ARHGAP15: variants seen among roughly 807,000 people sequenced by gnomAD.
The protein encoded by ARHGAP15 is Rho GTPase activating protein 15, also known as rho GTPase-activating protein 15.
ARHGAP15 carries 51 observed loss-of-function variants against 63.7 expected under a neutral mutation model. The ratio of observed to expected loss-of-function variants is 0.80; its 90% CI spans 0.64 to 1.01. ARHGAP15 has a LOEUF of 1.01. ARHGAP15 is among the 50% of genes least tolerant of loss of function. The pLI is 0.00. For synonymous variants in ARHGAP15, 191 were observed against 193.8 expected, an observed-to-expected ratio of 0.99 and a Z score of 0.12; for missense variants, 560 against 564.6, an observed-to-expected ratio of 0.99 and a Z score of 0.08.
chr2:143,561,794 G>A (rs917963430), intron 11 of ARHGAP15, among the ~76,000 whole-genome samples: 6 of 151,990 alleles, frequency 3.9e-5, no homozygotes, highest in South Asian at 2.1e-4. Context: ...AAGCCACTGC[G>A]CCCGGCCGAC....
intron 6 of ARHGAP15, among the ~76,000 whole-genome samples, chr2:143,390,974 T>C (rs1483111480): frequency 1.3e-5 from 2 of 152,204 alleles, no homozygotes; most frequent in East Asian, 3.9e-4. Flanking sequence ...CCTAGGGTTT[T>C]ACTCAGTTTG....
intron 10 of ARHGAP15, among the ~76,000 whole-genome samples, chr2:143,525,210 A>G (rs1694214892): frequency 6.6e-6 from 1 of 152,118 alleles, no homozygotes; most frequent in African/African-American, 2.4e-5. Flanking sequence ...AGAATGTGCA[A>G]TTTGTACTGT....
chr2:143,144,873 T>C (rs751104585), intron 1 of ARHGAP15, among the ~76,000 whole-genome samples: 3 of 152,072 alleles, frequency 2.0e-5, no homozygotes, highest in Non-Finnish European at 4.4e-5. Flanking sequence ...AACAAGTAAC[T>C]ATTTCACAAT....
intron 6 of ARHGAP15, among the ~76,000 whole-genome samples, chr2:143,429,660 G>T (rs771730433): frequency 5.9e-5 from 9 of 152,176 alleles, no homozygotes; most frequent in Non-Finnish European, 8.8e-5. Context: ...ACGCACATTT[G>T]TTAACATAGG....
In ARHGAP15 at chr2:143,373,981, A is replaced by G. The variant is rs184241345; in HGVS notation, c.475-61620A>G. On this transcript the variant is annotated intron_variant, in intron 6 of 13. Coordinates refer to ENST00000295095, the MANE Select transcript of ARHGAP15 (RefSeq NM_018460.4). ...TGCAAAACCATTTTCCTGAGGCTAAACTGTTTTCAGAAATATGTTAGCTCT... is the reference window on the plus strand; with the variant it reads ...TGCAAAACCATTTTCCTGAGGCTAAGCTGTTTTCAGAAATATGTTAGCTCT... Among the ~76,000 whole-genome samples, 803 of 152,312 alleles carry G rather than the reference A, an allele frequency of 5.3e-3. 5 individuals are homozygous for G. The highest frequency in any genetic ancestry group is 9.2e-3 in the Non-Finnish European group (623 of 68,024).
intron 10 of ARHGAP15, among the ~76,000 whole-genome samples, chr2:143,542,661 T>TGATATATAGTATCAC (rs1374203062): frequency 6.9e-6 from 1 of 144,210 alleles, no homozygotes; most frequent in Admixed American, 7.2e-5. Flanking sequence ...ATATATATTA[T>TGATATATAGTATCAC]ATATATGATA....
intron 1 of ARHGAP15, among the ~76,000 whole-genome samples, chr2:143,139,014 T>C (rs1392280228): frequency 6.6e-6 from 1 of 152,102 alleles, no homozygotes; most frequent in Non-Finnish European, 1.5e-5. Context: ...AACCATCTTC[T>C]TTTTGGTCTC....
chr2:143,286,597 ATTTTC>A (rs1463684488), intron 6 of ARHGAP15, among the ~76,000 whole-genome samples: 2 of 152,140 alleles, frequency 1.3e-5, no homozygotes, highest in Admixed American at 6.5e-5. Context: ...GCTTCCTTTT[ATTTTC>A]TTCAGAAAAA....
intron 12 of ARHGAP15, among the ~76,000 whole-genome samples, chr2:143,644,646 T>G (rs1018423715): frequency 6.6e-6 from 1 of 152,062 alleles, no homozygotes; most frequent in Non-Finnish European, 1.5e-5. Context: ...TTACAGTGAC[T>G]GGAACGTTGA....
chr2:143,519,232 A>G (rs1693954473), intron 9 of ARHGAP15, 34 bp from the exon 10 acceptor site: 2 of 1,491,502 alleles, frequency 1.3e-6, no homozygotes, highest in Non-Finnish European at 1.9e-6. Flanking sequence ...GCAAGCTTGG[A>G]TTTTAATGAA....
At chr2:143,444,584 A>G (rs1558976029) in intron 8 of ARHGAP15, among the ~76,000 whole-genome samples, 1 of 152,174 alleles carries the variant, frequency 6.6e-6, no homozygotes, top group Admixed American at 6.6e-5. Flanking sequence ...AAGTATGGTA[A>G]CTTACGCTAC....
intron 10 of ARHGAP15, among the ~76,000 whole-genome samples, chr2:143,541,427 C>T (rs951207981): frequency 6.6e-5 from 10 of 151,922 alleles, no homozygotes; most frequent in South Asian, 2.1e-4. Context: ...TGAGGAGCTG[C>T]GTTCCTTTGG....
intron 6 of ARHGAP15, among the ~76,000 whole-genome samples, chr2:143,262,458 G>A (rs1426947477): frequency 6.6e-6 from 1 of 151,096 alleles, no homozygotes; most frequent in Admixed American, 6.6e-5. Context: ...CTCATCCTCA[G>A]CCAGGAGGAG....
At chr2:143,580,358 C>T (rs1696846855) in intron 11 of ARHGAP15, among the ~76,000 whole-genome samples, 1 of 152,130 alleles carries the variant, frequency 6.6e-6, no homozygotes. Flanking sequence ...ACATATTCTC[C>T]AGAAGCTGAC....
At chr2:143,480,988 T>A (rs1574508011) in intron 8 of ARHGAP15, among the ~76,000 whole-genome samples, 1 of 152,172 alleles carries the variant, frequency 6.6e-6, no homozygotes, top group East Asian at 1.9e-4. Flanking sequence ...ACAAGAAGTT[T>A]GTGTTGGAAA....
At chr2:143,160,880 C>T (rs1384411408) in intron 2 of ARHGAP15, among the ~76,000 whole-genome samples, 1 of 151,912 alleles carries the variant, frequency 6.6e-6, no homozygotes, top group Non-Finnish European at 1.5e-5. Context: ...AGAGTCCATA[C>T]TTCAAAGAAA....
At chr2:143,396,685 G>GA (rs1341453331) in intron 6 of ARHGAP15, among the ~76,000 whole-genome samples, 1 of 151,398 alleles carries the variant, frequency 6.6e-6, no homozygotes, top group Non-Finnish European at 1.5e-5. Flanking sequence ...TCATGCTAAG[G>GA]AAAACTATCC....
chr2:143,660,385 C>T (rs1037217266), intron 12 of ARHGAP15, among the ~76,000 whole-genome samples: 3 of 152,182 alleles, frequency 2.0e-5, no homozygotes, highest in Non-Finnish European at 4.4e-5. Flanking sequence ...CAGATACCAA[C>T]GTTCCATAGT....
chr2:143,262,482 G>A (rs1269528677), intron 6 of ARHGAP15, among the ~76,000 whole-genome samples: 1 of 145,724 alleles, frequency 6.9e-6, no homozygotes, highest in Non-Finnish European at 1.5e-5. Flanking sequence ...AGTCGGTTTT[G>A]TTTGTCTGAA....
Sources: allele counts gnomAD v4.1 joint callset (sites outside exome capture counted in the v4.1 genomes callset), GRCh38; gene constraint gnomAD v4.1.1; transcripts MANE v1.5; gene names NCBI Gene and HGNC (gene_info 2026-07-23, HGNC 2026-07-21).